The following HLA-DRB5 variants were observed in gnomAD, a reference collection of about 807,000 sequenced individuals.
HLA-DRB5 encodes major histocompatibility complex, class II, DR beta 5, also known as DR beta-5.
In HLA-DRB5, 11 loss-of-function variants were observed where a neutral mutation model predicts 22.4. The ratio of observed to expected loss-of-function variants is 0.49; its 90% CI spans 0.31 to 0.81. The LOEUF is 0.81. Among genes scored for constraint, HLA-DRB5 ranks in the 40% least tolerant of loss-of-function variants. The pLI is 0.05. For missense variants in HLA-DRB5, 106 were observed against 274.4 expected (o/e 0.39, Z 4.34); for synonymous variants, 57 against 106.0 (o/e 0.54, Z 2.84).
At position 32,519,536 on chromosome 6, in the gene HLA-DRB5, C is replaced by T. The variant is rs764905399; in HGVS notation, c.486G>A (p.Arg162=). Residue 162 remains arginine, a synonymous_variant, in exon 3 of 6, where the codon CGG becomes CGA. Coordinates refer to ENST00000374975, the MANE Select transcript of HLA-DRB5 (RefSeq NM_002125.4). Reference sequence around the variant, plus strand: ...CCCCAGCCTTCTCTTCCTGGCTGTTCCGGAACCACCTGACTTCAATGCTGC... The same window carrying T: ...CCCCAGCCTTCTCTTCCTGGCTGTTTCGGAACCACCTGACTTCAATGCTGC... ...YPGSIEVRWF[R]NSQEEKAGVV... is the part of the protein sequence containing the mutation. 2.6e-6 allele frequency: 4 copies of T among 1,518,502 alleles called. No homozygotes were observed. The highest frequency in any genetic ancestry group is 8.9e-7 in the Non-Finnish European group (1 of 1,129,876). The allele number at this position is 1,518,502 out of a possible 1,614,324, so 94.1% of individuals were successfully genotyped here.
chr6:32,521,591 C>G (rs1160538250), intron 2 of HLA-DRB5, among the ~76,000 whole-genome samples: 1,006 of 83,396 alleles, frequency 0.012, no homozygotes, highest in East Asian at 0.027. Context: ...GGTCTCCTCT[C>G]TCTCCAGCCC....
At chr6:32,520,010 T>A (rs796731937) in intron 2 of HLA-DRB5, among the ~76,000 whole-genome samples, 30 of 35,496 alleles carry the variant, frequency 8.5e-4, no homozygotes, top group African/African-American at 1.3e-3. Flanking sequence ...CTGGAAGAGT[T>A]TTTCGATTCT....
At chr6:32,520,761 A>ATTTC (rs1768747333) in intron 2 of HLA-DRB5, among the ~76,000 whole-genome samples, 4 of 48,114 alleles carry the variant, frequency 8.3e-5, no homozygotes, top group Admixed American at 2.9e-4. Context: ...CATTAATAAA[A>ATTTC]GTTTTGGAAT....
chr6:32,519,314 T>C lies in HLA-DRB5; in HGVS notation c.652+56A>G. 2.6e-6 allele frequency: 2 copies of C among 776,852 alleles called. 1 individual carries two copies. Among genetic ancestry groups the C allele is most frequent in the East Asian group, 5.9e-5 (2 of 33,724 alleles). The allele number at this position is 776,852 out of a possible 1,614,324, so 48.1% of individuals were successfully genotyped here. A position where few individuals can be genotyped will look rare whatever the true frequency, so the allele number is the denominator to read the frequency against. On this transcript the variant is annotated intron_variant, in intron 3 of 5. Coordinates refer to ENST00000374975, the MANE Select transcript of HLA-DRB5 (RefSeq NM_002125.4). ...GATGAGAAACCTGACACTCAGGGAT[T>C]AGTAAAGTTTGCTTCTTGGTGGTTG... is the stretch of plus-strand genomic sequence containing the variant.
At chr6:32,521,811 T>TCTCTCACACA (rs879229020) in intron 2 of HLA-DRB5, 94 bp downstream of exon 2, 50 of 249,358 alleles carry the variant, frequency 2.0e-4, no homozygotes, top group Non-Finnish European at 2.8e-4. Flanking sequence ...CCTCTCTCTC[T>TCTCTCACACA]CACACACACA....
chr6:32,519,153 G>GAAAAA (rs1325516565), intron 3 of HLA-DRB5, among the ~76,000 whole-genome samples: 1 of 65,082 alleles, frequency 1.5e-5, no homozygotes. Context: ...TCAAAACAGG[G>GAAAAA]ACAGCCTCTC....
rs1403349737 is a variant in HLA-DRB5 at position 32,529,302 on chromosome 6, A to C, written c.100+823T>G. 2.3e-4 allele frequency among the ~76,000 whole-genome samples: 19 copies of C among 82,478 alleles called. No homozygotes were observed. In the East Asian group the frequency reaches 6.0e-3, roughly 26 times the overall value. The allele number at this position is 82,478 out of a possible 152,430, so 54.1% of individuals were successfully genotyped here. A position where few individuals can be genotyped will look rare whatever the true frequency, so the allele number is the denominator to read the frequency against. On this transcript the variant is annotated intron_variant, in intron 1 of 5. Transcript: ENST00000374975. ...GACTTACAAAAATAGAATTTCATAT[A>C]ATTTGTCCTATGTTAGTTGAATCTC... is the stretch of plus-strand genomic sequence containing the variant.
At chr6:32,523,063 T>TTAAAGCCTCGTGGGTGGGGTTAG (rs1769143806) in intron 1 of HLA-DRB5, among the ~76,000 whole-genome samples, 4 of 120,118 alleles carry the variant, frequency 3.3e-5, no homozygotes, top group East Asian at 2.4e-4. Context: ...AGCCAGGTAT[T>TTAAAGCCTCGTGGGTGGGGTTAG]GAAAAGCGTT....
At chr6:32,526,946 C>A (rs113454243) in intron 1 of HLA-DRB5, among the ~76,000 whole-genome samples, 1 of 56,522 alleles carries the variant, frequency 1.8e-5, no homozygotes. Flanking sequence ...CCACAGTTTT[C>A]CCTATCTCAA....
At chr6:32,525,680 C>T (rs117788757) in intron 1 of HLA-DRB5, among the ~76,000 whole-genome samples, 9,031 of 70,168 alleles carry the variant, frequency 0.13, 147 homozygotes, top group East Asian at 0.18. Flanking sequence ...TTACTTATAA[C>T]CTTTCAATTT....
chr6:32,526,931 TCCTCCCACAG>T (rs1769673019), intron 1 of HLA-DRB5, among the ~76,000 whole-genome samples: 1 of 94,922 alleles, frequency 1.1e-5, no homozygotes, highest in African/African-American at 4.7e-5. Flanking sequence ...TCAAATCATT[TCCTCCCACAG>T]TTTTCCCTAT....
chr6:32,522,155 A>AAGC lies in HLA-DRB5; in HGVS notation c.119_120insGCT (p.Asp40delinsGluLeu). 3.4e-6 allele frequency: 3 copies of AAGC among 893,320 alleles called. No homozygotes were observed. The highest frequency in any genetic ancestry group is 2.6e-5 in the Admixed American group (1 of 38,644). The allele number at this position is 893,320 out of a possible 1,614,324, so 55.3% of individuals were successfully genotyped here. ...CGTTGAAGAAATGACACTCATACTT[A>AAGC]TCCTGCTGCAAGAAACGTGCTGTGG... On this transcript the variant is annotated protein_altering_variant, in exon 2 of 6. Transcript: ENST00000374975.
chr6:32,525,841 A>C (rs796748435), intron 1 of HLA-DRB5, among the ~76,000 whole-genome samples: 2,319 of 56,130 alleles, frequency 0.041, no homozygotes, highest in East Asian at 0.11. Flanking sequence ...TTTATTCATC[A>C]CTCCATTCTC....
At chr6:32,520,941 C>T (rs111304729) in intron 2 of HLA-DRB5, among the ~76,000 whole-genome samples, 6,764 of 35,586 alleles carry the variant, frequency 0.19, 742 homozygotes, top group Non-Finnish European at 0.22. Context: ...CTGGAGATAA[C>T]AGAAAATAGA....
rs141991998 is a variant in HLA-DRB5, at chr6:32,522,664, C to G, written c.101-490G>C. On this transcript the variant is annotated intron_variant, in intron 1 of 5. Coordinates refer to ENST00000374975, the MANE Select transcript of HLA-DRB5 (RefSeq NM_002125.4). Reference sequence around the variant, plus strand: ...AAACACGGGAAAACAGACCTCTCCACTCCGCTGGGGGAGCTTAAAGAGCAG... The same window carrying G: ...AAACACGGGAAAACAGACCTCTCCAGTCCGCTGGGGGAGCTTAAAGAGCAG... Among the ~76,000 whole-genome samples, 133 of 40,156 alleles carry G rather than the reference C, an allele frequency of 3.3e-3. 1 individual carries two copies. Among genetic ancestry groups the G allele is most frequent in the Admixed American group, 7.9e-3 (24 of 3,036 alleles). The allele number at this position is 40,156 out of a possible 152,430, so 26.3% of individuals were successfully genotyped here.
At chr6:32,519,128 A>C (rs369171266) in intron 3 of HLA-DRB5, among the ~76,000 whole-genome samples, 7 of 120,446 alleles carry the variant, frequency 5.8e-5, no homozygotes, top group Admixed American at 8.6e-5. Context: ...CTGACCTGTG[A>C]CATCATGGGG....
intron 3 of HLA-DRB5, 115 bp downstream of exon 3, chr6:32,519,255 G>A: frequency 1.6e-6 from 1 of 610,120 alleles, no homozygotes; most frequent in Non-Finnish European, 2.6e-6. Flanking sequence ...TAATGGAGAT[G>A]AGAACATGGA....
chr6:32,523,302 G>T (rs144164333), intron 1 of HLA-DRB5, among the ~76,000 whole-genome samples: 563 of 36,580 alleles, frequency 0.015, 103 homozygotes, highest in East Asian at 0.025. Context: ...TCTTATTGGT[G>T]ACATGAGCTT....
chr6:32,528,088 C>T (rs796096441), intron 1 of HLA-DRB5, among the ~76,000 whole-genome samples: 1,330 of 31,066 alleles, frequency 0.043, 1 homozygote, highest in Admixed American at 0.054. Flanking sequence ...GGCTTCCCCC[C>T]CAATTCGGTC....
Sources: allele counts gnomAD v4.1 joint callset (sites outside exome capture counted in the v4.1 genomes callset), GRCh38; gene constraint gnomAD v4.1.1; transcripts MANE v1.5; gene names NCBI Gene and HGNC (gene_info 2026-07-23, HGNC 2026-07-21).